MYCBP2: variants seen among roughly 807,000 people sequenced by gnomAD.
MYCBP2 encodes MYC binding protein 2.
MYCBP2 carries 120 observed loss-of-function variants against 525.3 expected under a neutral mutation model. That is an observed-to-expected ratio of 0.23 (90% CI 0.20 to 0.27). MYCBP2 has a LOEUF of 0.27. Among genes scored for constraint, MYCBP2 ranks in the 10% least tolerant of loss-of-function variants. The pLI is 1.00. For synonymous variants in MYCBP2, 1,894 were observed against 1,955.8 expected, an observed-to-expected ratio of 0.97 and a Z score of 0.83; for missense variants, 4,149 against 5,657.1, an observed-to-expected ratio of 0.73 and a Z score of 8.55.
At chr13:77,182,739 G>A (rs2060325921) in intron 32 of MYCBP2, among the ~76,000 whole-genome samples, 2 of 152,182 alleles carry the variant, frequency 1.3e-5, no homozygotes, top group Admixed American at 1.3e-4. Context: ...ATGCATTAGT[G>A]ATGACAATGA....
At chr13:77,062,047 T>C (rs914671576) in intron 74 of MYCBP2, among the ~76,000 whole-genome samples, 1 of 152,212 alleles carries the variant, frequency 6.6e-6, no homozygotes, top group African/African-American at 2.4e-5. Context: ...CTTAGAGACT[T>C]AAGAAATGTC....
chr13:77,269,113 C>T (rs1172517517), intron 7 of MYCBP2, among the ~76,000 whole-genome samples: 1 of 152,198 alleles, frequency 6.6e-6, no homozygotes, highest in African/African-American at 2.4e-5. Flanking sequence ...AAAAGGCTAA[C>T]ACCTATCTGA....
chr13:77,169,754 A>T, intron 38 of MYCBP2, 40 bp from the exon 39 acceptor site: 8 of 1,516,750 alleles, frequency 5.3e-6, no homozygotes, highest in Non-Finnish European at 7.3e-6. Context: ...TATAGTCAGA[A>T]GGTAATTTCA....
chr13:77,234,985 C>CG lies in MYCBP2; in HGVS notation c.2630-1723dup, dbSNP rs541318116. Among the ~76,000 whole-genome samples the CG allele has an allele frequency of 6.4e-4, 98 of 152,020 alleles. No homozygotes were observed. The South Asian group carries it at 0.02, about 31-fold the overall frequency. ...TTTTGATTTATAAATCAAGAAGGCA[C>CG]GGGGGCAATCATGTCTAAAAATTAA... On this transcript the variant is annotated intron_variant, in intron 17 of 82. Coordinates refer to ENST00000544440, the MANE Select transcript of MYCBP2 (RefSeq NM_015057.5).
intron 33 of MYCBP2, among the ~76,000 whole-genome samples, chr13:77,180,673 G>A (rs763194420): frequency 1.4e-4 from 22 of 152,310 alleles, no homozygotes; most frequent in Non-Finnish European, 2.4e-4. Flanking sequence ...CCAGCACTTT[G>A]GGAGGCTGAG....
chr13:77,133,549 A>G (rs2053259811), intron 52 of MYCBP2, among the ~76,000 whole-genome samples: 1 of 152,134 alleles, frequency 6.6e-6, no homozygotes, highest in Non-Finnish European at 1.5e-5. Flanking sequence ...ATAAACACAA[A>G]TGGGCTGAAG....
intron 14 of MYCBP2, among the ~76,000 whole-genome samples, chr13:77,252,644 T>C (rs1041540205): frequency 6.6e-6 from 1 of 152,158 alleles, no homozygotes; most frequent in African/African-American, 2.4e-5. Flanking sequence ...CACATCCATT[T>C]AACATACAGC....
chr13:77,260,634 A>AAAC, intron 12 of MYCBP2, 42 bp from the exon 13 acceptor site: 1 of 1,428,276 alleles, frequency 7.0e-7, no homozygotes. Context: ...CTCTATGTAC[A>AAAC]AATAATAATA....
intron 23 of MYCBP2, 77 bp from the exon 24 acceptor site, chr13:77,206,902 A>T (rs897231657): frequency 2.4e-6 from 3 of 1,226,780 alleles, no homozygotes; most frequent in Non-Finnish European, 3.3e-6. Context: ...ATAACTGATG[A>T]TACAAAGAGA....
At chr13:77,213,591 T>C (rs776651273) in intron 21 of MYCBP2, among the ~76,000 whole-genome samples, 2 of 152,196 alleles carry the variant, frequency 1.3e-5, no homozygotes, top group African/African-American at 4.8e-5. Flanking sequence ...GAAATAAATA[T>C]GTATTCCCTT....
intron 26 of MYCBP2, among the ~76,000 whole-genome samples, chr13:77,202,163 AAG>A: frequency 6.6e-6 from 1 of 152,338 alleles, no homozygotes; most frequent in South Asian, 2.1e-4. Flanking sequence ...TAAAGAAAAA[AAG>A]AGAGAAGAAT....
At chr13:77,111,124 C>T (rs975087884) in intron 55 of MYCBP2, among the ~76,000 whole-genome samples, 4 of 152,040 alleles carry the variant, frequency 2.6e-5, no homozygotes, top group African/African-American at 9.7e-5. Context: ...CTAATCCTTC[C>T]TAAATTGAGT....
In MYCBP2 at chr13:77,098,471, G is replaced by C. The variant is rs776428171; in HGVS notation, c.8683C>G (p.Arg2895Gly). 6.2e-7 allele frequency: 1 copy of C among 1,613,648 alleles called. No homozygotes were observed. The highest frequency in any genetic ancestry group is 8.5e-7 in the Non-Finnish European group (1 of 1,179,792). ...KMPLTEPLRG[R>G]STSPKPKSVP... ...GATTTTGGTTTTGGTGACGTTGACCGTCCTCTCAAAGGTTCTGTGAGGGGC... is the reference window on the plus strand; with the variant it reads ...GATTTTGGTTTTGGTGACGTTGACCCTCCTCTCAAAGGTTCTGTGAGGGGC... Residue 2895 changes from arginine (R) to glycine (G), a missense_variant, in exon 56 of 83, where the codon CGG becomes GGG. By Grantham distance (125) the Arg-to-Gly change is moderately radical (BLOSUM62 -2). This residue lies in a region of MYCBP2 where 653 missense variants were observed against 744.7 expected (regional missense o/e 0.88). Transcript: ENST00000544440.
At chr13:77,126,204 T>C (rs1452702692) in intron 53 of MYCBP2, 114 bp downstream of exon 53, 8 of 766,420 alleles carry the variant, frequency 1.0e-5, no homozygotes, top group Non-Finnish European at 1.6e-5. Flanking sequence ...AAAGATAAAA[T>C]ACATTAACAT....
At position 77,140,862 on chromosome 13, in the gene MYCBP2, T is replaced by C. The variant is rs992642781; in HGVS notation, c.7385A>G (p.Glu2462Gly). ...TGCCCTAACCTTATTAGGCTGAGGTTCAGACTTTGGTTTGACCAACTGAGT... is the reference window on the plus strand; with the variant it reads ...TGCCCTAACCTTATTAGGCTGAGGTCCAGACTTTGGTTTGACCAACTGAGT... ...PGTQLVKPKS[E>G]PQPNKVRKFV... Residue 2462 changes from glutamate (E) to glycine (G), a missense_variant, in exon 50 of 83, where the codon GAA (glutamate) becomes GGA (glycine). Physicochemically the swap from Glu to Gly is moderately conservative, Grantham distance 98. This residue lies in a region of MYCBP2 where 692 missense variants were observed against 852.7 expected (regional missense o/e 0.81). Coordinates refer to ENST00000544440, the MANE Select transcript of MYCBP2 (RefSeq NM_015057.5). 2 of 1,611,678 alleles carry C rather than the reference T, an allele frequency of 1.2e-6. No homozygotes were observed. Among genetic ancestry groups the C allele is most frequent in the African/African-American group, 2.7e-5 (2 of 74,774 alleles).
intron 1 of MYCBP2, among the ~76,000 whole-genome samples, chr13:77,322,750 T>C (rs2081827004): frequency 6.6e-6 from 1 of 152,214 alleles, no homozygotes; most frequent in African/African-American, 2.4e-5. Flanking sequence ...GCTCTAACAT[T>C]TAGCCACTGT....
chr13:77,064,771 G>A, intron 72 of MYCBP2, 37 bp from the exon 73 acceptor site: 1 of 1,576,708 alleles, frequency 6.3e-7, no homozygotes, highest in Non-Finnish European at 8.6e-7. Flanking sequence ...TAAGTGACCA[G>A]AAATGTATTA....
chr13:77,175,539 G>A (rs937619292), intron 36 of MYCBP2, among the ~76,000 whole-genome samples: 3 of 152,120 alleles, frequency 2.0e-5, no homozygotes, highest in Admixed American at 6.5e-5. Context: ...AACCTCTCGT[G>A]TACCGATCTT....
In MYCBP2 at chr13:77,206,609, C is replaced by T. The variant is rs769186961; in HGVS notation, c.3589+44G>A. 4.0e-6 allele frequency: 6 copies of T among 1,485,344 alleles called. No homozygotes were observed. In the Admixed American group the frequency reaches 1.4e-4, roughly 34 times the overall value. The allele number at this position is 1,485,344 out of a possible 1,614,324, so 92.0% of individuals were successfully genotyped here. A position where few individuals can be genotyped will look rare whatever the true frequency, so the allele number is the denominator to read the frequency against. Reference sequence around the variant, plus strand: ...TACTCTAAAAAAAAACCCTGGACAGCACACATTAATGTGAATTAATGGTAC... The same window carrying T: ...TACTCTAAAAAAAAACCCTGGACAGTACACATTAATGTGAATTAATGGTAC... On this transcript the variant is annotated intron_variant, in intron 24 of 82. Transcript: ENST00000544440.
Sources: gnomAD v4.1 joint callset for allele counts (sites outside exome capture counted in the v4.1 genomes callset) on GRCh38, gnomAD v4.1.1 for gene constraint, gnomAD v4.1.1 regional missense constraint, MANE v1.5 for transcripts, NCBI Gene and HGNC (gene_info 2026-07-23, HGNC 2026-07-21) for gene names.